Variants in MAP1B observed in about 807,000 individuals in gnomAD.
MAP1B encodes the protein microtubule-associated protein 1B.
In MAP1B, 12 loss-of-function variants were observed where a neutral mutation model predicts 176.1. That is an observed-to-expected ratio of 0.07 (90% CI 0.04 to 0.11). The LOEUF (loss-of-function observed/expected upper bound fraction) is 0.11. Ranked by LOEUF, MAP1B falls within the 10% of genes least tolerant of loss-of-function variation. The pLI is 1.00. For synonymous variants in MAP1B, 1,044 were observed against 1,135.0 expected, an observed-to-expected ratio of 0.92 and a Z score of 1.61; for missense variants, 2,523 against 2,990.5, an observed-to-expected ratio of 0.84 and a Z score of 3.65.
At chr5:72,150,071 G>GT (rs1240337051) in intron 2 of MAP1B, among the ~76,000 whole-genome samples, 1 of 151,996 alleles carries the variant, frequency 6.6e-6, no homozygotes, top group Non-Finnish European at 1.5e-5. Flanking sequence ...ACATACCTAG[G>GT]TTTTTACCCA....
At chr5:72,187,628 T>G (rs1746937331) in intron 4 of MAP1B, among the ~76,000 whole-genome samples, 1 of 152,150 alleles carries the variant, frequency 6.6e-6, no homozygotes, top group African/African-American at 2.4e-5. Flanking sequence ...AAAACTGTCT[T>G]TCTGAGGTGG....
At chr5:72,129,487 G>T (rs904151755) in intron 2 of MAP1B, among the ~76,000 whole-genome samples, 57 of 152,192 alleles carry the variant, frequency 3.7e-4, no homozygotes, top group African/African-American at 1.3e-3. Flanking sequence ...AACCTGGGAG[G>T]CAGAGGTTGC....
rs1038030238 is a variant in MAP1B, at chr5:72,109,980, G to A, written c.184+2265G>A. The stretch of plus-strand genomic sequence containing the variant: ...TTATGGAGAAAACAGACGCATCCAC[G>A]TACTGCTATGAAGAAGGGCTCCCTG... On this transcript the variant is annotated intron_variant, in intron 1 of 6. Transcript: ENST00000296755. 8.5e-5 allele frequency among the ~76,000 whole-genome samples: 13 copies of A among 152,190 alleles called. No individual in the cohort carries two copies. In the East Asian group the frequency reaches 1.2e-3, roughly 14 times the overall value.
At chr5:72,171,636 A>G (rs1363384879) in intron 2 of MAP1B, among the ~76,000 whole-genome samples, 2 of 152,196 alleles carry the variant, frequency 1.3e-5, no homozygotes, top group Non-Finnish European at 2.9e-5. Context: ...TTGGGATTCA[A>G]TCAAACCCAA....
chr5:72,186,727 C>T lies in MAP1B; in HGVS notation c.483C>T (p.Asn161=), dbSNP rs753827371. ...ILQSGSFSFQ[N]FIEIFTDQEI... ...AGTCCGGCTCTTTCTCCTTCCAGAA[C>T]TTCATAGAGATTTTCACCGATCAAG... Residue 161 remains asparagine (N), a synonymous_variant, in exon 4 of 7, where the codon AAC becomes AAT. Coordinates refer to ENST00000296755, the MANE Select transcript of MAP1B (RefSeq NM_005909.5). The surrounding 1 kb of genome is among the most constrained non-coding windows in gnomAD (Gnocchi z 4.3). 7.2e-5 allele frequency: 117 copies of T among 1,614,046 alleles called. No homozygotes were observed. In the Admixed American group the frequency reaches 1.9e-3, roughly 26 times the overall value.
rs1475777227 is a variant in MAP1B, at chr5:72,209,041, G to C, written c.*3802G>C. On this transcript the variant is annotated 3_prime_UTR_variant, in exon 7 of 7. Coordinates refer to ENST00000296755, the MANE Select transcript of MAP1B (RefSeq NM_005909.5). ...TTGAAAGCAATTAGGTTATTCACCT[G>C]GTATTAAAACTATTTACTGTTAAAA... The C allele has an allele frequency of 6.6e-6, 1 of 151,974 alleles. No individual in the cohort carries two copies. The highest frequency in any genetic ancestry group is 2.4e-5 in the African/African-American group (1 of 41,386). 9.4% of individuals were successfully genotyped at this position (151,974 alleles called of 1,614,324 possible). A position where few individuals can be genotyped will look rare whatever the true frequency, so the allele number is the denominator to read the frequency against.
chr5:72,182,490 G>A (rs573702323), intron 2 of MAP1B, among the ~76,000 whole-genome samples: 3 of 152,274 alleles, frequency 2.0e-5, no homozygotes, highest in Non-Finnish European at 2.9e-5. Flanking sequence ...GGACATGTGG[G>A]TTGTCTTACC....
intron 2 of MAP1B, chr5:72,179,992 A>T: frequency 9.5e-6 from 9 of 949,784 alleles, no homozygotes; most frequent in Non-Finnish European, 1.1e-5. Context: ...GATGGTAAGA[A>T]GGCTCCTGCC....
chr5:72,124,972 C>A (rs984062914), intron 2 of MAP1B, among the ~76,000 whole-genome samples: 103 of 152,276 alleles, frequency 6.8e-4, no homozygotes, highest in African/African-American at 2.5e-3. Context: ...AATTAAAGAT[C>A]AAATAAGTTC....
intron 2 of MAP1B, among the ~76,000 whole-genome samples, chr5:72,117,220 T>G (rs1745450257): frequency 1.3e-5 from 2 of 152,156 alleles, no homozygotes; most frequent in African/African-American, 4.8e-5. Context: ...AGTATAAGGT[T>G]GTTTCTCTTG....
chr5:72,180,649 G>T (rs558638099), intron 2 of MAP1B, among the ~76,000 whole-genome samples: 1 of 152,274 alleles, frequency 6.6e-6, no homozygotes, highest in African/African-American at 2.4e-5. Context: ...TTCTTTGTCT[G>T]CTCAAACTGT....
chr5:72,161,181 C>T (rs1545170), intron 2 of MAP1B, among the ~76,000 whole-genome samples: 120,486 of 152,088 alleles, frequency 0.79, 48,487 homozygotes, highest in South Asian at 0.95. Context: ...GAAGATGAGC[C>T]TCCATGCCAG....
intron 2 of MAP1B, among the ~76,000 whole-genome samples, chr5:72,143,722 G>T (rs974690006): frequency 1.3e-5 from 2 of 152,138 alleles, no homozygotes; most frequent in Non-Finnish European, 2.9e-5. Context: ...GCCGAAGGCT[G>T]GTTCCTTCTG....
chr5:72,132,869 GCT>G (rs1745759787), intron 2 of MAP1B, among the ~76,000 whole-genome samples: 1 of 152,104 alleles, frequency 6.6e-6, no homozygotes, highest in South Asian at 2.1e-4. Flanking sequence ...CCCATTTAGA[GCT>G]CTGTTTGTTT....
chr5:72,162,967 C>A (rs1380826990), intron 2 of MAP1B, among the ~76,000 whole-genome samples: 1 of 152,020 alleles, frequency 6.6e-6, no homozygotes, highest in Non-Finnish European at 1.5e-5. Context: ...TGGGGGCTCA[C>A]GCCTGTAATC....
intron 2 of MAP1B, among the ~76,000 whole-genome samples, chr5:72,163,520 G>A (rs1003360973): frequency 6.6e-6 from 1 of 152,168 alleles, no homozygotes; most frequent in Admixed American, 6.5e-5. Flanking sequence ...CTTCCAATAA[G>A]GAATCTGAGT....
chr5:72,115,747 A>G lies in MAP1B; in HGVS notation c.234A>G (p.Glu78=). The G allele has an allele frequency of 1.2e-6, 2 of 1,613,954 alleles. No homozygotes were observed. Among genetic ancestry groups the G allele is most frequent in the Non-Finnish European group, 1.7e-6 (2 of 1,179,874 alleles). ...TNLIECNLDQ[E]LKLFVSRHSA... is the part of the protein sequence containing the mutation. ...TGATTGAATGCAACTTGGACCAAGA[A>G]CTCAAACTTTTTGTATCTCGACACT... Residue 78 remains glutamate, a synonymous_variant, in exon 2 of 7, where the codon GAA becomes GAG. Transcript: ENST00000296755.
At chr5:72,108,085 C>G (rs1402124925) in intron 1 of MAP1B, among the ~76,000 whole-genome samples, 1 of 152,212 alleles carries the variant, frequency 6.6e-6, no homozygotes, top group Non-Finnish European at 1.5e-5. Flanking sequence ...CCACTCCTTT[C>G]AGTCCTCTTC....
rs1746833762 is a variant in MAP1B at position 72,183,835 on chromosome 5, C to G, written c.369+10C>G. 1 of 1,612,870 alleles carries G rather than the reference C, an allele frequency of 6.2e-7. No individual in the cohort carries two copies. The highest frequency in any genetic ancestry group is 1.3e-5 in the African/African-American group (1 of 74,910). On this transcript the variant is annotated intron_variant, in intron 3 of 6. Transcript: ENST00000296755. ...AGCAGTCAGCACCGAGGTAAGCATT[C>G]AGCTCTGTAGAATCTGGGGCCGGGC... is the stretch of plus-strand genomic sequence containing the variant.
Sources: allele counts gnomAD v4.1 joint callset (sites outside exome capture counted in the v4.1 genomes callset), GRCh38; gene constraint gnomAD v4.1.1; non-coding constraint Gnocchi (gnomAD v3.1); transcripts MANE v1.5; gene names NCBI Gene and HGNC (gene_info 2026-07-23, HGNC 2026-07-21).